The following RCOR1 variants were observed in gnomAD, a reference collection of about 807,000 sequenced individuals.
RCOR1 encodes REST corepressor.
A neutral mutation model predicts 64.0 loss-of-function variants in RCOR1; 12 were observed. The observed-to-expected ratio is 0.19, with a 90% confidence interval of 0.12 to 0.30. The LOEUF (loss-of-function observed/expected upper bound fraction) is 0.30. Among genes scored for constraint, RCOR1 ranks in the 10% least tolerant of loss-of-function variants. The pLI is 1.00. For synonymous variants in RCOR1, 279 were observed against 227.2 expected (o/e 1.23, Z -2.05); for missense variants, 502 against 621.2 (o/e 0.81, Z 2.04).
intron 2 of RCOR1, among the ~76,000 whole-genome samples, chr14:102,595,815 G>A (rs1893230278): frequency 1.3e-5 from 2 of 151,998 alleles, no homozygotes; most frequent in Admixed American, 6.6e-5. Flanking sequence ...TCCTGACCTC[G>A]TGATCCGCCC....
At position 102,727,781 on chromosome 14, in the gene RCOR1, A is replaced by C. The variant is rs1473932218; in HGVS notation, c.*1275A>C. 5 of 152,164 alleles carry C rather than the reference A, an allele frequency of 3.3e-5. No individual in the cohort carries two copies. The highest frequency in any genetic ancestry group is 1.2e-4 in the African/African-American group (5 of 41,430). 9.4% of individuals were successfully genotyped at this position (152,164 alleles called of 1,614,324 possible). A position where few individuals can be genotyped will look rare whatever the true frequency, so the allele number is the denominator to read the frequency against. On this transcript the variant is annotated 3_prime_UTR_variant, in exon 12 of 12. Coordinates refer to ENST00000262241, the MANE Select transcript of RCOR1 (RefSeq NM_015156.4). The stretch of plus-strand genomic sequence containing the variant: ...TTGGTTGGACTGGGAACAAGTAAAA[A>C]TTTCTAATAAACATTTTGAGACTTC...
chr14:102,630,317 G>A (rs1229393594), intron 2 of RCOR1, among the ~76,000 whole-genome samples: 2 of 152,180 alleles, frequency 1.3e-5, no homozygotes, highest in Non-Finnish European at 2.9e-5. Context: ...TGTGGAAGCA[G>A]CCTGAGGCTT....
At chr14:102,680,864 T>C (rs149580254) in intron 2 of RCOR1, among the ~76,000 whole-genome samples, 1 of 152,228 alleles carries the variant, frequency 6.6e-6, no homozygotes, top group African/African-American at 2.4e-5. Flanking sequence ...CTTTCTCATC[T>C]ACATCCTCTT....
At position 102,662,687 on chromosome 14, in the gene RCOR1, CCTT is replaced by C. The variant is rs564516295; in HGVS notation, c.362-19204_362-19202del. 1.0e-4 allele frequency: 45 copies of C among 440,582 alleles called. 1 individual carries two copies. Among genetic ancestry groups the C allele is most frequent in the South Asian group, 7.8e-4 (42 of 54,052 alleles). The allele number at this position is 440,582 out of a possible 1,614,324, so 27.3% of individuals were successfully genotyped here. A position where few individuals can be genotyped will look rare whatever the true frequency, so the allele number is the denominator to read the frequency against. On this transcript the variant is annotated intron_variant, in intron 2 of 11. Coordinates refer to ENST00000262241, the MANE Select transcript of RCOR1 (RefSeq NM_015156.4). ...TCGGCTTGAGGAGGGGCAGGAGCTT[CCTT>C]CTTTGCTTTCGGTGCCATCTTGTGA...
intron 3 of RCOR1, among the ~76,000 whole-genome samples, chr14:102,696,406 C>T (rs546214228): frequency 1.7e-4 from 26 of 152,164 alleles, no homozygotes; most frequent in Non-Finnish European, 1.6e-4. Context: ...TGGTAAAACG[C>T]AGTGGATGGA....
chr14:102,626,095 T>G (rs1397392972), intron 2 of RCOR1, among the ~76,000 whole-genome samples: 2 of 152,230 alleles, frequency 1.3e-5, no homozygotes, highest in African/African-American at 4.8e-5. Context: ...CCAGCATCCC[T>G]GTGATCTTTG....
chr14:102,635,150 T>C (rs1278524339), intron 2 of RCOR1, among the ~76,000 whole-genome samples: 3 of 152,142 alleles, frequency 2.0e-5, no homozygotes, highest in Non-Finnish European at 4.4e-5. Flanking sequence ...TTCCTAGTTT[T>C]TCTTATGCAA....
chr14:102,714,931 A>G (rs1247360096), intron 8 of RCOR1, among the ~76,000 whole-genome samples: 1 of 152,124 alleles, frequency 6.6e-6, no homozygotes, highest in African/African-American at 2.4e-5. Flanking sequence ...AGTAACCTGC[A>G]TCTGGATCAA....
chr14:102,648,105 G>A (rs1235430002), intron 2 of RCOR1, among the ~76,000 whole-genome samples: 2 of 151,928 alleles, frequency 1.3e-5, no homozygotes, highest in African/African-American at 2.4e-5. Context: ...TTGAGACAGA[G>A]TCCTGTTCTG....
intron 2 of RCOR1, among the ~76,000 whole-genome samples, chr14:102,663,181 G>T (rs1357054459): frequency 5.9e-5 from 9 of 152,136 alleles, no homozygotes; most frequent in African/African-American, 1.9e-4. Flanking sequence ...TGCCATCCAC[G>T]TAAGACTGAG....
intron 3 of RCOR1, among the ~76,000 whole-genome samples, chr14:102,690,350 A>G (rs545248434): frequency 3.4e-4 from 52 of 152,288 alleles, no homozygotes; most frequent in Non-Finnish European, 6.6e-4. Flanking sequence ...TATTCAGAGC[A>G]TCCCAGTAGC....
chr14:102,711,976 T>G (rs1251232927), intron 7 of RCOR1, among the ~76,000 whole-genome samples: 1 of 152,130 alleles, frequency 6.6e-6, no homozygotes, highest in Non-Finnish European at 1.5e-5. Flanking sequence ...TTGTAATTTT[T>G]AGAACCTTTT....
chr14:102,639,887 C>G (rs146091133), intron 2 of RCOR1, among the ~76,000 whole-genome samples: 22,626 of 148,080 alleles, frequency 0.15, 2,290 homozygotes, highest in African/African-American at 0.29. Context: ...TCGCTCTGTC[C>G]CCAGGCTGGA....
intron 2 of RCOR1, among the ~76,000 whole-genome samples, chr14:102,665,599 A>G (rs1212885129): frequency 1.3e-5 from 2 of 151,988 alleles, no homozygotes; most frequent in Non-Finnish European, 2.9e-5. Flanking sequence ...TATCCTCTCC[A>G]TTTTTCTTTA....
intron 4 of RCOR1, among the ~76,000 whole-genome samples, chr14:102,705,596 G>A (rs920211971): frequency 4.6e-5 from 7 of 152,096 alleles, no homozygotes; most frequent in South Asian, 2.1e-4. Context: ...TTACAGGCGC[G>A]CACCACCATG....
chr14:102,658,517 A>G (rs1236916795), intron 2 of RCOR1: 5 of 984,910 alleles, frequency 5.1e-6, no homozygotes, highest in East Asian at 2.3e-4. Context: ...TCTTACTTTT[A>G]TGACTTGAAT....
chr14:102,721,491 C>T (rs1896167472), intron 10 of RCOR1, 114 bp downstream of exon 10: 2 of 677,050 alleles, frequency 3.0e-6, no homozygotes, highest in African/African-American at 3.6e-5. Flanking sequence ...CTCAAGGCTG[C>T]ATTGATCCAT....
chr14:102,624,420 T>G (rs1228361818), intron 2 of RCOR1, among the ~76,000 whole-genome samples: 1 of 149,658 alleles, frequency 6.7e-6, no homozygotes, highest in African/African-American at 2.5e-5. Flanking sequence ...GCAGAGAATC[T>G]CTTGAACCCA....
At chr14:102,618,012 C>T (rs1448144985) in intron 2 of RCOR1, among the ~76,000 whole-genome samples, 1 of 146,466 alleles carries the variant, frequency 6.8e-6, no homozygotes, top group African/African-American at 2.5e-5. Flanking sequence ...TTGCTTTTCC[C>T]CTGCCAGGCT....
Sources: gnomAD v4.1 joint callset for allele counts (sites outside exome capture counted in the v4.1 genomes callset) on GRCh38, gnomAD v4.1.1 for gene constraint, MANE v1.5 for transcripts, NCBI Gene and HGNC (gene_info 2026-07-23, HGNC 2026-07-21) for gene names.